The following GTF2IRD1 variants were observed in gnomAD, a reference collection of about 807,000 sequenced individuals.
GTF2IRD1 encodes the protein GTF2I repeat domain containing 1.
GTF2IRD1 carries 26 observed loss-of-function variants against 113.2 expected under a neutral mutation model. The observed-to-expected ratio is 0.23, with a 90% CI of 0.17 to 0.32. GTF2IRD1 has a LOEUF of 0.32. Ranked by LOEUF, GTF2IRD1 falls within the 10% of genes least tolerant of loss-of-function variation. The pLI is 1.00. For synonymous variants in GTF2IRD1, 484 were observed against 529.1 expected, an observed-to-expected ratio of 0.91 and a Z score of 1.17; for missense variants, 864 against 1,280.8, an observed-to-expected ratio of 0.67 and a Z score of 4.97.
At chr7:74,552,154 G>A (rs138735438) in intron 17 of GTF2IRD1, among the ~76,000 whole-genome samples, 341 of 152,236 alleles carry the variant, frequency 2.2e-3, no homozygotes, top group Non-Finnish European at 4.2e-3. Context: ...GGAGGCTGAG[G>A]CAGGAGGATT....
Position 74,555,098 on chromosome 7 carries a change from G to T in GTF2IRD1, c.1917-76G>T. 1 of 1,349,868 alleles carries T rather than the reference G, an allele frequency of 7.4e-7. No individual in the cohort carries two copies. Among genetic ancestry groups the T allele is most frequent in the Non-Finnish European group, 1.0e-6 (1 of 955,662 alleles). 83.6% of individuals were successfully genotyped at this position (1,349,868 alleles called of 1,614,324 possible). ...TCCATTGCAGGGCTGTGTAGACTGAGGCCCAGAGAGGAGGGCTGAGCAGTC... is the reference window on the plus strand; with the variant it reads ...TCCATTGCAGGGCTGTGTAGACTGATGCCCAGAGAGGAGGGCTGAGCAGTC... On this transcript the variant is annotated intron_variant, in intron 17 of 26. Transcript: ENST00000424337. This position sits in a 1 kb window ranked among gnomAD's most constrained non-coding sequence, Gnocchi z 5.3.
In GTF2IRD1 at chr7:74,470,261, T is replaced by C. The variant is rs1351173305; in HGVS notation, c.-7+16085T>C. On this transcript the variant is annotated intron_variant, in intron 1 of 26. Coordinates refer to ENST00000424337, the MANE Select transcript of GTF2IRD1 (RefSeq NM_005685.4). ...CAGCCTCTCAAAGTGCTGAGATAGA[T>C]AAGCATAAGCCACCACACACGGCCA... 2.0e-5 allele frequency among the ~76,000 whole-genome samples: 3 copies of C among 152,166 alleles called. No individual in the cohort carries two copies. In the East Asian group the frequency reaches 5.8e-4, roughly 29 times the overall value.
At chr7:74,516,394 C>CT (rs1193666228) in intron 4 of GTF2IRD1, among the ~76,000 whole-genome samples, 1 of 152,222 alleles carries the variant, frequency 6.6e-6, no homozygotes, top group Admixed American at 6.5e-5. Flanking sequence ...TGTTGAATGA[C>CT]TAAGTGAAGG....
intron 25 of GTF2IRD1, among the ~76,000 whole-genome samples, chr7:74,597,803 C>CT (rs1554372828): frequency 6.6e-6 from 1 of 152,200 alleles, no homozygotes; most frequent in East Asian, 1.9e-4. Context: ...AGACCCTGCT[C>CT]TCAGGACCAC....
intron 22 of GTF2IRD1, among the ~76,000 whole-genome samples, chr7:74,569,832 T>C (rs1294481563): frequency 6.6e-6 from 1 of 152,036 alleles, no homozygotes; most frequent in Non-Finnish European, 1.5e-5. Flanking sequence ...TAAGGCTGGG[T>C]CTGTGGGCTT....
At chr7:74,530,055 C>T in intron 9 of GTF2IRD1, 138 bp downstream of exon 9, 1 of 586,416 alleles carries the variant, frequency 1.7e-6, no homozygotes, top group Non-Finnish European at 3.0e-6. Flanking sequence ...ATTAACAATA[C>T]AAAAATTAGC....
rs540068515 is a variant in GTF2IRD1, at chr7:74,484,512, G to A, written c.-6-23563G>A. On this transcript the variant is annotated intron_variant, in intron 1 of 26. Transcript: ENST00000424337. Reference sequence around the variant, plus strand: ...CTCTTTCACCCACCCAGGCTGGAGCGAAGTGGTGCGATCTTGGCTTACTGC... The same window carrying A: ...CTCTTTCACCCACCCAGGCTGGAGCAAAGTGGTGCGATCTTGGCTTACTGC... Among the ~76,000 whole-genome samples the A allele has an allele frequency of 8.2e-4, 121 of 148,402 alleles. 1 individual carries two copies. The highest frequency in any genetic ancestry group is 5.2e-3 in the Admixed American group (76 of 14,702).
chr7:74,601,966 T>C, intron 26 of GTF2IRD1: 1 of 159,776 alleles, frequency 6.3e-6, no homozygotes, highest in Non-Finnish European at 1.3e-5. Context: ...ATAGGCTGGG[T>C]GTGGTGGCTC....
chr7:74,524,187 C>T (rs781999875), intron 8 of GTF2IRD1, 33 bp downstream of exon 8: 22 of 1,468,054 alleles, frequency 1.5e-5, no homozygotes, highest in Non-Finnish European at 2.0e-5. Context: ...CGTGTGGCCC[C>T]AGCAGCCGTG....
At chr7:74,529,670 C>T (rs1797843145) in intron 8 of GTF2IRD1, 64 bp from the exon 9 acceptor site, 2 of 1,466,604 alleles carry the variant, frequency 1.4e-6, no homozygotes, top group Non-Finnish European at 9.4e-7. Flanking sequence ...GACCGCAGCT[C>T]CCGGGTCCTG....
intron 1 of GTF2IRD1, among the ~76,000 whole-genome samples, chr7:74,480,517 A>G: frequency 6.6e-6 from 1 of 152,196 alleles, no homozygotes; most frequent in Non-Finnish European, 1.5e-5. Flanking sequence ...TTAGTCTCCA[A>G]GGCCACAACG....
rs192984257 is a variant in GTF2IRD1 at position 74,532,511 on chromosome 7, G to A, written c.1274+2594G>A. Among the ~76,000 whole-genome samples, 8 of 152,268 alleles carry A rather than the reference G, an allele frequency of 5.3e-5. No homozygotes were observed. In the South Asian group the frequency reaches 8.3e-4, roughly 16 times the overall value. On this transcript the variant is annotated intron_variant, in intron 9 of 26. Transcript: ENST00000424337. ...GGAGGCTGCAGTGAGCTATGATCAC[G>A]CCACTGCACTCCAGCCTGGGCGACA...
chr7:74,555,180 G>T lies in GTF2IRD1; in HGVS notation c.1923G>T (p.Glu641Asp). 6.2e-7 allele frequency: 1 copy of T among 1,613,714 alleles called. No homozygotes were observed. Among genetic ancestry groups the T allele is most frequent in the East Asian group, 2.2e-5 (1 of 44,860 alleles). ...CCTCGCTTGTGTTTTCCAGGCCCGA[G>T]CTGCTCACTGAGGGAGTCAAAGAGC... is the stretch of plus-strand genomic sequence containing the variant. ...NSIQFVIKRPELLTEGVKEPI... is the reference protein window; with the variant it reads ...NSIQFVIKRPDLLTEGVKEPI... Residue 641 changes from glutamate (E) to aspartate (D), a missense_variant, in exon 18 of 27, where the codon GAG becomes GAT. Coordinates refer to ENST00000424337, the MANE Select transcript of GTF2IRD1 (RefSeq NM_005685.4). This position sits in a 1 kb window ranked among gnomAD's most constrained non-coding sequence, Gnocchi z 5.3.
At chr7:74,568,642 T>C (rs1188327177) in intron 22 of GTF2IRD1, among the ~76,000 whole-genome samples, 1 of 151,892 alleles carries the variant, frequency 6.6e-6, no homozygotes, top group Non-Finnish European at 1.5e-5. Flanking sequence ...AGCGAGACTC[T>C]GTCTCAAAAA....
chr7:74,547,837 T>C (rs1799047291), intron 17 of GTF2IRD1, among the ~76,000 whole-genome samples: 1 of 147,998 alleles, frequency 6.8e-6, no homozygotes. Flanking sequence ...TCCCCAGGCC[T>C]GCCAGACCCA....
intron 1 of GTF2IRD1, among the ~76,000 whole-genome samples, chr7:74,496,493 G>T (rs1274277706): frequency 6.7e-6 from 1 of 149,424 alleles, no homozygotes; most frequent in East Asian, 2.0e-4. Flanking sequence ...GTATGTGTGT[G>T]TGTGTGTGTT....
intron 1 of GTF2IRD1, among the ~76,000 whole-genome samples, chr7:74,461,578 T>A (rs2299960): frequency 0.48 from 72,508 of 151,776 alleles, 17,699 homozygotes; most frequent in East Asian, 0.74. Flanking sequence ...ACTTTATATT[T>A]TATTTTATTT....
intron 22 of GTF2IRD1, among the ~76,000 whole-genome samples, chr7:74,583,371 C>CTTTTTTTTTTTTTTTTTTT (rs1168890388): frequency 1.6e-5 from 2 of 122,308 alleles, no homozygotes; most frequent in Non-Finnish European, 3.4e-5. Context: ...CTTTTTTTTT[C>CTTTTTTTTTTTTTTTTTTT]TTTTTTTTTT....
intron 25 of GTF2IRD1, among the ~76,000 whole-genome samples, chr7:74,595,414 G>A (rs2019004): frequency 0.72 from 106,978 of 147,624 alleles, 38,837 homozygotes; most frequent in African/African-American, 0.73. Flanking sequence ...TCGAAAAAAA[G>A]AAAAAAAGAA....
Sources: allele counts gnomAD v4.1 joint callset (sites outside exome capture counted in the v4.1 genomes callset), GRCh38; gene constraint gnomAD v4.1.1; non-coding constraint Gnocchi (gnomAD v3.1); transcripts MANE v1.5; gene names NCBI Gene and HGNC (gene_info 2026-07-23, HGNC 2026-07-21).